PARP12: variants seen among roughly 807,000 people sequenced by gnomAD.
The protein encoded by PARP12 is poly(ADP-ribose) polymerase family member 12.
A neutral mutation model predicts 72.4 loss-of-function variants in PARP12; 59 were observed. That is an observed-to-expected ratio of 0.81 (90% CI 0.66 to 1.01). The LOEUF (loss-of-function observed/expected upper bound fraction) is 1.01, where lower values mean the gene tolerates loss of function less well. PARP12 is among the 50% of genes least tolerant of loss of function. PARP12 has a pLI of 0.00. For synonymous variants in PARP12, 403 were observed against 371.4 expected (o/e 1.09, Z -0.98); for missense variants, 851 against 914.0 (o/e 0.93, Z 0.89).
intron 5 of PARP12, among the ~76,000 whole-genome samples, chr7:140,043,715 GCAGA>G (rs767218008): frequency 1.3e-5 from 2 of 151,950 alleles, no homozygotes; most frequent in Non-Finnish European, 2.9e-5. Flanking sequence ...ATTTTTTTGT[GCAGA>G]CAGAGTTTCA....
At chr7:140,045,153 C>T (rs1272536063) in intron 5 of PARP12, among the ~76,000 whole-genome samples, 2 of 152,130 alleles carry the variant, frequency 1.3e-5, no homozygotes, top group East Asian at 3.9e-4. Flanking sequence ...CTGCAGCTTC[C>T]TGAGTAGCTG....
intron 5 of PARP12, among the ~76,000 whole-genome samples, chr7:140,043,894 C>T (rs79018965): frequency 5.1e-4 from 77 of 152,312 alleles, no homozygotes; most frequent in African/African-American, 1.5e-3. Flanking sequence ...ATGGGACACA[C>T]TGCATCTCAG....
intron 4 of PARP12, among the ~76,000 whole-genome samples, chr7:140,054,144 C>T (rs533691823): frequency 2.0e-5 from 3 of 152,310 alleles, no homozygotes; most frequent in African/African-American, 7.2e-5. Flanking sequence ...CAGACAGGCA[C>T]ATGCACACCA....
intron 8 of PARP12, among the ~76,000 whole-genome samples, chr7:140,030,878 G>A (rs886434305): frequency 6.6e-6 from 1 of 152,132 alleles, no homozygotes; most frequent in Non-Finnish European, 1.5e-5. Context: ...AATGTGGCCT[G>A]GGAAAGCCAA....
intron 8 of PARP12, among the ~76,000 whole-genome samples, chr7:140,029,788 A>G (rs1815870427): frequency 6.6e-6 from 1 of 152,266 alleles, no homozygotes; most frequent in Non-Finnish European, 1.5e-5. Context: ...GCTTAATAGC[A>G]GATTAGACCA....
chr7:140,038,041 C>T (rs1816289639), intron 6 of PARP12, 185 bp from the exon 7 acceptor site: 1 of 985,396 alleles, frequency 1.0e-6, no homozygotes, highest in Non-Finnish European at 1.2e-6. Context: ...ATGACTGTCT[C>T]CTGAAGCTGC....
Position 140,041,656 on chromosome 7 carries a change from T to A in PARP12, c.1170A>T (p.Glu390Asp), listed in dbSNP as rs375700655. Residue 390 changes from glutamate to aspartate, a missense_variant, in exon 6 of 12, where the codon GAA becomes GAT. By Grantham distance (45) the Glu-to-Asp change is conservative. Transcript: ENST00000263549. ...YWSDEFGSWQEYGRQGTVHPV... is the reference protein window; with the variant it reads ...YWSDEFGSWQDYGRQGTVHPV... ...CCATCACACTTACCTGTCTTCCATA[T>A]TCCTGCCAAGAACCAAACTCATCAC... is the stretch of plus-strand genomic sequence containing the variant. 9 of 1,613,812 alleles carry A rather than the reference T, an allele frequency of 5.6e-6. No individual in the cohort carries two copies. The highest frequency in any genetic ancestry group is 2.7e-5 in the African/African-American group (2 of 74,900).
intron 7 of PARP12, among the ~76,000 whole-genome samples, chr7:140,035,381 T>C (rs1410932311): frequency 6.6e-6 from 1 of 152,256 alleles, no homozygotes. Context: ...TGGCTTTCAC[T>C]GGTGAAATTA....
chr7:140,043,903 A>T (rs1816602560), intron 5 of PARP12, among the ~76,000 whole-genome samples: 1 of 152,232 alleles, frequency 6.6e-6, no homozygotes, highest in African/African-American at 2.4e-5. Context: ...ACTGCATCTC[A>T]GAAGAGTCTG....
At chr7:140,043,290 A>T (rs1816571960) in intron 5 of PARP12, among the ~76,000 whole-genome samples, 1 of 152,234 alleles carries the variant, frequency 6.6e-6, no homozygotes, top group East Asian at 1.9e-4. Flanking sequence ...AGCAAAAGTT[A>T]ACAAAAACAA....
In PARP12 at chr7:140,057,962, G is replaced by A; in HGVS notation, c.399C>T (p.Asp133=). Residue 133 remains aspartate (D), a synonymous_variant, in exon 2 of 12, where the codon GAC becomes GAT. Coordinates refer to ENST00000263549, the MANE Select transcript of PARP12 (RefSeq NM_022750.4). ...NLSVLRTHGV[D]HLSYNELCQL... ...GGCATAGCTCATTATAGCTCAGGTG[G>A]TCAACGCCATGAGTTCTCAGCACAC... 1 of 1,614,218 alleles carries A rather than the reference G, an allele frequency of 6.2e-7. No individual in the cohort carries two copies. Among genetic ancestry groups the A allele is most frequent in the Non-Finnish European group, 8.5e-7 (1 of 1,180,036 alleles).
intron 8 of PARP12, 99 bp downstream of exon 8, chr7:140,034,136 C>A (rs1335044089): frequency 6.8e-7 from 1 of 1,472,608 alleles, no homozygotes; most frequent in Middle Eastern, 2.1e-4. Context: ...TACAAGCCAA[C>A]GGTGCCCGGG....
chr7:140,053,817 T>C (rs541838758), intron 4 of PARP12, among the ~76,000 whole-genome samples: 1 of 152,312 alleles, frequency 6.6e-6, no homozygotes, highest in East Asian at 1.9e-4. Flanking sequence ...CAAGATACAA[T>C]GTTAAGATGC....
At chr7:140,031,383 A>C (rs1174082803) in intron 8 of PARP12, among the ~76,000 whole-genome samples, 3 of 152,216 alleles carry the variant, frequency 2.0e-5, no homozygotes, top group Non-Finnish European at 4.4e-5. Context: ...ATAAATAAAT[A>C]AATAAATAAA....
intron 1 of PARP12, among the ~76,000 whole-genome samples, chr7:140,060,881 C>A (rs1289286317): frequency 6.6e-6 from 1 of 152,176 alleles, no homozygotes; most frequent in African/African-American, 2.4e-5. Context: ...CGCCCAATAT[C>A]TCCCAAACCA....
chr7:140,037,619 G>A, intron 7 of PARP12, 96 bp downstream of exon 7: 1 of 1,532,560 alleles, frequency 6.5e-7, no homozygotes, highest in Admixed American at 1.8e-5. Context: ...ACCCACCCAG[G>A]CCCTCAGTAT....
intron 4 of PARP12, among the ~76,000 whole-genome samples, chr7:140,049,463 G>T (rs1473028151): frequency 6.6e-6 from 1 of 152,166 alleles, no homozygotes; most frequent in Non-Finnish European, 1.5e-5. Flanking sequence ...TCCCTGAAAG[G>T]CATTAGAGGA....
At chr7:140,058,062 T>G (rs768553475) in intron 1 of PARP12, 28 bp from the exon 2 acceptor site, 2 of 1,613,562 alleles carry the variant, frequency 1.2e-6, no homozygotes, top group South Asian at 1.1e-5. Flanking sequence ...TGGTGTTATA[T>G]GTCGAATTGA....
rs757555957 is a variant in PARP12, at chr7:140,047,050, C to T, written c.863-43G>A. On this transcript the variant is annotated intron_variant, in intron 4 of 11. Coordinates refer to ENST00000263549, the MANE Select transcript of PARP12 (RefSeq NM_022750.4). The stretch of plus-strand genomic sequence containing the variant: ...AGGAGTAAGATAGCTGGGCAATACA[C>T]AGCATGCCCTAGCCTTGTGGTTGTC... The T allele has an allele frequency of 7.6e-6, 12 of 1,576,804 alleles. No individual in the cohort carries two copies. In the East Asian group the frequency reaches 2.3e-4, roughly 30 times the overall value.
Sources: allele counts gnomAD v4.1 joint callset (sites outside exome capture counted in the v4.1 genomes callset), GRCh38; gene constraint gnomAD v4.1.1; transcripts MANE v1.5; gene names NCBI Gene and HGNC (gene_info 2026-07-23, HGNC 2026-07-21).